The following GSDME variants were observed in gnomAD, a reference collection of about 807,000 sequenced individuals.
GSDME encodes the protein gasdermin E.
A neutral mutation model predicts 47.5 loss-of-function variants in GSDME; 44 were observed. The observed-to-expected ratio is 0.93, with a 90% CI of 0.73 to 1.19. GSDME has a LOEUF of 1.19. Ranked by LOEUF, GSDME falls within the 50% of genes most tolerant of loss-of-function variation. The pLI, the probability that GSDME is intolerant of heterozygous loss-of-function variation, is 0.00. For missense variants in GSDME, 663 were observed against 604.2 expected (o/e 1.10, Z -1.02); for synonymous variants, 258 against 252.8 (o/e 1.02, Z -0.20).
In GSDME at chr7:24,725,150, C is replaced by T. The variant is rs541483114; in HGVS notation, c.405-5932G>A. On this transcript the variant is annotated intron_variant, in intron 3 of 9. Coordinates refer to ENST00000645220, the MANE Select transcript of GSDME (RefSeq NM_001127453.2). The surrounding 1 kb of genome is among the most constrained non-coding windows in gnomAD (Gnocchi z 5.1). The stretch of plus-strand genomic sequence containing the variant: ...AGGTATTTCCTTATAATAATGCAAA[C>T]AGACTAACTCAATCTCCTCCTAGCT... Among the ~76,000 whole-genome samples the T allele has an allele frequency of 6.6e-6, 1 of 152,314 alleles. No homozygotes were observed. Among genetic ancestry groups the T allele is most frequent in the African/African-American group, 2.4e-5 (1 of 41,562 alleles).
chr7:24,731,316 T>G (rs2128058233), intron 3 of GSDME, among the ~76,000 whole-genome samples: 1 of 152,356 alleles, frequency 6.6e-6, no homozygotes, highest in Non-Finnish European at 1.5e-5. Flanking sequence ...GTAGCCCAGC[T>G]ACACGTCTGG....
upstream of GSDME, among the ~76,000 whole-genome samples, chr7:24,762,009 T>G (rs1177701053): frequency 6.6e-6 from 1 of 151,976 alleles, no homozygotes; most frequent in Admixed American, 6.6e-5. Context: ...TTCCCAACAC[T>G]TTGAGAGGCT....
At chr7:24,699,632 GC>G in intron 9 of GSDME, among the ~76,000 whole-genome samples, 1 of 152,254 alleles carries the variant, frequency 6.6e-6, no homozygotes. Context: ...GAGCCACCAC[GC>G]CTGGCCAACT....
rs1220598426 is a variant in GSDME, at chr7:24,739,791, TTAAAAAA to T, written c.404+4764_404+4770del. ...TACACGATAGAGTACTATTTAGTCA[TTAAAAAA>T]AGAGTAAGATCCTGGGCTGGGCGCA... On this transcript the variant is annotated intron_variant, in intron 3 of 9. Transcript: ENST00000645220. The surrounding 1 kb of genome is among the most constrained non-coding windows in gnomAD (Gnocchi z 5.1). 6.6e-6 allele frequency among the ~76,000 whole-genome samples: 1 copy of T among 152,048 alleles called. No homozygotes were observed. Among genetic ancestry groups the T allele is most frequent in the Non-Finnish European group, 1.5e-5 (1 of 68,006 alleles).
chr7:24,780,238 T>C, the GSDME span, among the ~76,000 whole-genome samples: 3 of 152,190 alleles, frequency 2.0e-5, no homozygotes, highest in East Asian at 5.8e-4. This position sits in a 1 kb window ranked among gnomAD's most constrained non-coding sequence, Gnocchi z 4.1. Context: ...GAAACTTAAT[T>C]TTGCCACCTG....
Position 24,728,990 on chromosome 7 carries a change from C to T in GSDME, c.405-9772G>A, listed in dbSNP as rs1349439116. Among the ~76,000 whole-genome samples, 2 of 152,194 alleles carry T rather than the reference C, an allele frequency of 1.3e-5. No homozygotes were observed. The highest frequency in any genetic ancestry group is 4.8e-5 in the African/African-American group (2 of 41,444). On this transcript the variant is annotated intron_variant, in intron 3 of 9. Transcript: ENST00000645220. The surrounding 1 kb of genome is among the most constrained non-coding windows in gnomAD (Gnocchi z 7.2). ...TTGTTGCCAAAGTGACCAAGTCACC[C>T]GCAGACTGTGGCTGCTCCGCCTCTG...
Position 24,722,299 on chromosome 7 carries a change from G to A in GSDME, c.405-3081C>T, listed in dbSNP as rs190487110. ...AAAGACAGAAGACACGGAAGATGGG[G>A]GAAATGGAGGATCTGCAGCTTGGAT... On this transcript the variant is annotated intron_variant, in intron 3 of 9. Transcript: ENST00000645220. Among the ~76,000 whole-genome samples, 8 of 152,324 alleles carry A rather than the reference G, an allele frequency of 5.3e-5. No homozygotes were observed. In the South Asian group the frequency reaches 8.3e-4, roughly 16 times the overall value.
At chr7:24,784,856 G>A in the GSDME span, among the ~76,000 whole-genome samples, 2,152 of 152,038 alleles carry the variant, frequency 0.014, 21 homozygotes, top group South Asian at 0.051. Flanking sequence ...CACCGCGCCC[G>A]GACTGCCTTT....
upstream of GSDME, chr7:24,757,879 G>C (rs1452210947): frequency 6.6e-6 from 1 of 152,416 alleles, no homozygotes; most frequent in African/African-American, 2.4e-5. This position sits in a 1 kb window ranked among gnomAD's most constrained non-coding sequence, Gnocchi z 5.9. Context: ...GTTCAACCAG[G>C]AAAGTCCAAG....
intron 9 of GSDME, among the ~76,000 whole-genome samples, chr7:24,699,940 A>AG (rs1319843022): frequency 1.3e-5 from 2 of 152,160 alleles, no homozygotes; most frequent in Non-Finnish European, 2.9e-5. Context: ...AGTTTAGTTT[A>AG]ATTATCCTTC....
the GSDME span, among the ~76,000 whole-genome samples, chr7:24,780,606 T>C: frequency 2.6e-5 from 4 of 152,332 alleles, no homozygotes; most frequent in African/African-American, 9.6e-5. This position sits in a 1 kb window ranked among gnomAD's most constrained non-coding sequence, Gnocchi z 4.1. Flanking sequence ...GCAACTTGAA[T>C]GTCATGTCTT....
Position 24,714,972 on chromosome 7 carries a change from A to G in GSDME, c.697+2282T>C, listed in dbSNP as rs939770453. 6.6e-6 allele frequency among the ~76,000 whole-genome samples: 1 copy of G among 152,252 alleles called. No homozygotes were observed. The highest frequency in any genetic ancestry group is 1.5e-5 in the Non-Finnish European group (1 of 68,034). On this transcript the variant is annotated intron_variant, in intron 5 of 9. Transcript: ENST00000645220. The surrounding 1 kb of genome is among the most constrained non-coding windows in gnomAD (Gnocchi z 5.0). ...ACGGAAATAATGTAACTGTCTGTTG[A>G]TGGACAAATAGATAAAGAAAATTGA...
chr7:24,745,331 G>A lies in GSDME; in HGVS notation c.212-577C>T, dbSNP rs991407394. On this transcript the variant is annotated intron_variant, in intron 2 of 9. Coordinates refer to ENST00000645220, the MANE Select transcript of GSDME (RefSeq NM_001127453.2). This position sits in a 1 kb window ranked among gnomAD's most constrained non-coding sequence, Gnocchi z 4.4. The stretch of plus-strand genomic sequence containing the variant: ...TCCTTGGCCACCTAGGCCTGTCTGG[G>A]GGCATCTTGTCTACCCACCCACCAG... 6.6e-6 allele frequency among the ~76,000 whole-genome samples: 1 copy of A among 152,054 alleles called. No homozygotes were observed.
chr7:24,750,328 GA>G (rs1790814746), intron 1 of GSDME, among the ~76,000 whole-genome samples: 1 of 152,170 alleles, frequency 6.6e-6, no homozygotes, highest in Non-Finnish European at 1.5e-5. Flanking sequence ...CAAGAATCCA[GA>G]AGGCAGACTG....
intron 4 of GSDME, 60 bp from the exon 5 acceptor site, chr7:24,717,434 C>A: frequency 1.1e-5 from 17 of 1,612,624 alleles, no homozygotes; most frequent in Non-Finnish European, 1.4e-5. Flanking sequence ...TGCTCTGTTC[C>A]CCACTGCAGC....
intron 8 of GSDME, chr7:24,703,261 CAT>C (rs372169507): frequency 3.0e-6 from 1 of 334,658 alleles, no homozygotes; most frequent in East Asian, 7.7e-5. Context: ...TTTGTTTTTG[CAT>C]ATGTCAGAAT....
intron 5 of GSDME, among the ~76,000 whole-genome samples, chr7:24,710,863 A>G (rs1430899166): frequency 3.9e-5 from 6 of 152,240 alleles, no homozygotes; most frequent in African/African-American, 1.4e-4. Context: ...AATATACAGC[A>G]ATAAAAAATA....
At chr7:24,738,947 T>C (rs1417418196) in intron 3 of GSDME, among the ~76,000 whole-genome samples, 1 of 152,148 alleles carries the variant, frequency 6.6e-6, no homozygotes. Flanking sequence ...AGAATGAAAC[T>C]AGACCCTATC....
the GSDME span, among the ~76,000 whole-genome samples, chr7:24,782,211 C>T: frequency 9.0e-6 from 1 of 111,600 alleles, no homozygotes; most frequent in Non-Finnish European, 1.8e-5. Context: ...TGCTATCCCT[C>T]CCCCCTCCCC....
Sources: allele counts gnomAD v4.1 joint callset (sites outside exome capture counted in the v4.1 genomes callset), GRCh38; gene constraint gnomAD v4.1.1; non-coding constraint Gnocchi (gnomAD v3.1); transcripts MANE v1.5; gene names NCBI Gene and HGNC (gene_info 2026-07-23, HGNC 2026-07-21).